The following NFRKB variants were observed in gnomAD, a reference collection of about 807,000 sequenced individuals.
The protein encoded by NFRKB is nuclear factor related to kappaB binding protein, also known as nuclear factor related to kappa-B-binding protein.
Under a neutral mutation model 135.7 loss-of-function variants are expected in NFRKB, and 62 were observed. The observed-to-expected ratio is 0.46, with a 90% CI of 0.37 to 0.56. The LOEUF is 0.56. Among genes scored for constraint, NFRKB ranks in the 20% least tolerant of loss-of-function variants. The pLI is 0.00. For synonymous variants in NFRKB, 678 were observed against 635.6 expected, an observed-to-expected ratio of 1.07 and a Z score of -1.00; for missense variants, 1,545 against 1,662.0, an observed-to-expected ratio of 0.93 and a Z score of 1.22.
chr11:129,890,428 G>A (rs1949505077), intron 3 of NFRKB, among the ~76,000 whole-genome samples: 1 of 152,156 alleles, frequency 6.6e-6, no homozygotes, highest in Admixed American at 6.5e-5. Context: ...AGAAAACATG[G>A]ATGGGAAGTA....
chr11:129,892,650 G>C (rs546870301), intron 3 of NFRKB, 65 bp downstream of exon 3: 1 of 1,545,408 alleles, frequency 6.5e-7, no homozygotes, highest in African/African-American at 1.4e-5. Flanking sequence ...AGTGGAAAAG[G>C]TTTCCCACAG....
At chr11:129,884,992 G>A (rs2135667886) in intron 6 of NFRKB, 146 bp from the exon 7 acceptor site, 1 of 1,184,248 alleles carries the variant, frequency 8.4e-7, no homozygotes, top group Non-Finnish European at 1.2e-6. Context: ...CTACCCCAGA[G>A]GAGCTGGAGC....
chr11:129,871,419 C>T (rs1051779085), intron 23 of NFRKB, among the ~76,000 whole-genome samples: 3 of 152,126 alleles, frequency 2.0e-5, no homozygotes, highest in Admixed American at 6.5e-5. Context: ...CCTGATCCAC[C>T]GAGTCTCATC....
Position 129,873,819 on chromosome 11 carries a change from T to C in NFRKB, c.2476A>G (p.Thr826Ala). The C allele has an allele frequency of 6.2e-7, 1 of 1,614,182 alleles. No individual in the cohort carries two copies. Among genetic ancestry groups the C allele is most frequent in the Non-Finnish European group, 8.5e-7 (1 of 1,180,036 alleles). ...GGTCCTGCTGGCATCTGTGGCAATG[T>C]CTGTGCCGGCCCTCCCGACTGCTGG... ...VPQQSGGPAQ[T>A]LPQMPAGPQI... The change falls in exon 22 of 27, where the codon ACA becomes GCA. Residue 826 changes from threonine to alanine, a missense_variant. By Grantham distance (58) the Thr-to-Ala change is moderately conservative. Around this residue, in one of 3 missense-constraint regions of NFRKB, gnomAD observed 753 missense variants for 804.3 expected, o/e 0.94. Transcript: ENST00000682444.
chr11:129,884,910 T>C, intron 6 of NFRKB, 64 bp from the exon 7 acceptor site: 1 of 1,611,640 alleles, frequency 6.2e-7, no homozygotes, highest in Non-Finnish European at 8.5e-7. Context: ...GGAGATTGGG[T>C]AAGTGGCCAT....
chr11:129,865,632 T>G (rs575026350), intron 25 of NFRKB, among the ~76,000 whole-genome samples: 1 of 152,220 alleles, frequency 6.6e-6, no homozygotes, highest in Non-Finnish European at 1.5e-5. Flanking sequence ...ATGTTGCTTT[T>G]TTATTATTTC....
At chr11:129,882,385 G>T in intron 10 of NFRKB, 66 bp downstream of exon 10, 1 of 1,541,662 alleles carries the variant, frequency 6.5e-7, no homozygotes, top group Non-Finnish European at 8.8e-7. Context: ...AGCCCTAGGG[G>T]CCAGGGCACA....
At position 129,881,785 on chromosome 11, in the gene NFRKB, G is replaced by T. The variant is rs1259621228; in HGVS notation, c.1260C>A (p.Ala420=). Residue 420 remains alanine (A), a synonymous_variant, in exon 12 of 27, where the codon GCC becomes GCA. Coordinates refer to ENST00000682444, the MANE Select transcript of NFRKB (RefSeq NM_001143835.2). The part of the protein sequence containing the change: ...ASSLNSWFSA[A]PNWAELVLPA... ...GTAGTACCAACTCAGCCCAGTTGGG[G>T]GCCGCAGAGAACCAGCTGTTGAGGG... 7 of 1,613,972 alleles carry T rather than the reference G, an allele frequency of 4.3e-6. No individual in the cohort carries two copies. Among genetic ancestry groups the T allele is most frequent in the Non-Finnish European group, 5.9e-6 (7 of 1,179,992 alleles).
Position 129,864,570 on chromosome 11 carries a change from A to G in NFRKB, c.*155T>C, listed in dbSNP as rs916570164. ...GTGCTCCACTATGGCACGTGGCAGC[A>G]GAATCCAGGCCACGAATCCAGGCCA... On this transcript the variant is annotated 3_prime_UTR_variant, in exon 27 of 27. Coordinates refer to ENST00000682444, the MANE Select transcript of NFRKB (RefSeq NM_001143835.2). 2 of 1,011,442 alleles carry G rather than the reference A, an allele frequency of 2.0e-6. No homozygotes were observed. The highest frequency in any genetic ancestry group is 4.7e-5 in the Admixed American group (2 of 42,836). 62.7% of individuals were successfully genotyped at this position (1,011,442 alleles called of 1,614,324 possible).
chr11:129,883,335 G>T, intron 8 of NFRKB, 129 bp from the exon 9 acceptor site: 1 of 680,214 alleles, frequency 1.5e-6, no homozygotes, highest in Non-Finnish European at 2.6e-6. Context: ...CAAAAATATA[G>T]AGAGATAAAA....
intron 8 of NFRKB, 119 bp from the exon 9 acceptor site, chr11:129,883,325 C>A: frequency 1.4e-6 from 1 of 715,142 alleles, no homozygotes; most frequent in Admixed American, 2.4e-5. Context: ...CACATTGAGT[C>A]AAAAATATAG....
intron 24 of NFRKB, among the ~76,000 whole-genome samples, chr11:129,867,602 A>G (rs1371781466): frequency 1.3e-5 from 2 of 152,076 alleles, no homozygotes; most frequent in South Asian, 2.1e-4. Context: ...CAGGTGTGAG[A>G]CACTGCGCCT....
chr11:129,893,465 T>G lies in NFRKB; in HGVS notation c.-21-595A>C, dbSNP rs868000624. On this transcript the variant is annotated intron_variant, in intron 2 of 26. Coordinates refer to ENST00000682444, the MANE Select transcript of NFRKB (RefSeq NM_001143835.2). The stretch of plus-strand genomic sequence containing the variant: ...GTCCCAGCTACTCAGAAGGCTGAGG[T>G]GGGAGGATCGCTTGAACACGAGATG... The G allele has an allele frequency of 1.2e-3, 288 of 246,114 alleles. 1 individual carries two copies. The highest frequency in any genetic ancestry group is 6.7e-3 in the African/African-American group (257 of 38,496). The allele number at this position is 246,114 out of a possible 1,614,324, so 15.2% of individuals were successfully genotyped here. A position where few individuals can be genotyped will look rare whatever the true frequency, so the allele number is the denominator to read the frequency against.
chr11:129,893,868 A>G (rs946100990), intron 2 of NFRKB: 2 of 152,248 alleles, frequency 1.3e-5, no homozygotes, highest in Admixed American at 6.5e-5. Flanking sequence ...GCTACACACA[A>G]TACCTCTTGT....
At chr11:129,872,026 G>C (rs369118808) in intron 23 of NFRKB, among the ~76,000 whole-genome samples, 13 of 152,042 alleles carry the variant, frequency 8.6e-5, no homozygotes, top group Admixed American at 3.3e-4. Context: ...CCTGGGCCTC[G>C]AATGTTTTAT....
At position 129,873,146 on chromosome 11, in the gene NFRKB, C is replaced by T. The variant is rs145882679; in HGVS notation, c.2551-50G>A. 3.0e-4 allele frequency: 437 copies of T among 1,469,270 alleles called. 3 individuals carry two copies. In the East Asian group the frequency reaches 0.011, roughly 36 times the overall value. The allele number at this position is 1,469,270 out of a possible 1,614,324, so 91.0% of individuals were successfully genotyped here. A position where few individuals can be genotyped will look rare whatever the true frequency, so the allele number is the denominator to read the frequency against. ...GCTTAATTAGACTCTAAGATGCAGA[C>T]CAGCACTCTAAGCAAGAGTCTCCCT... On this transcript the variant is annotated intron_variant, in intron 22 of 26. Coordinates refer to ENST00000682444, the MANE Select transcript of NFRKB (RefSeq NM_001143835.2).
Position 129,872,845 on chromosome 11 carries a change from A to G in NFRKB, c.2763+39T>C, listed in dbSNP as rs554909278. ...CAGCTCCAGTGGTCCCTGCTCCAGG[A>G]TGAAGGATTGAGATCCACGTGGAAA... On this transcript the variant is annotated intron_variant, in intron 23 of 26. Coordinates refer to ENST00000682444, the MANE Select transcript of NFRKB (RefSeq NM_001143835.2). The G allele has an allele frequency of 1.9e-6, 3 of 1,549,630 alleles. No individual in the cohort carries two copies. In the Admixed American group the frequency reaches 5.4e-5, roughly 28 times the overall value.
At chr11:129,883,995 C>G (rs535825020) in intron 8 of NFRKB, 75 bp downstream of exon 8, 2 of 1,465,638 alleles carry the variant, frequency 1.4e-6, no homozygotes, top group Admixed American at 1.7e-5. Context: ...AGTGATGCCC[C>G]GTGTCTTCCT....
chr11:129,879,847 T>C (rs1948946094), intron 13 of NFRKB, among the ~76,000 whole-genome samples: 1 of 152,208 alleles, frequency 6.6e-6, no homozygotes, highest in South Asian at 2.1e-4. Context: ...CCACACATCC[T>C]ACTGTCTATT....
Sources: gnomAD v4.1 joint callset for allele counts (sites outside exome capture counted in the v4.1 genomes callset) on GRCh38, gnomAD v4.1.1 for gene constraint, gnomAD v4.1.1 regional missense constraint, MANE v1.5 for transcripts, NCBI Gene and HGNC (gene_info 2026-07-23, HGNC 2026-07-21) for gene names.